The following ACACA variants were observed in gnomAD, a reference collection of about 807,000 sequenced individuals.
ACACA encodes the protein acetyl-CoA carboxylase 1.
A neutral mutation model predicts 296.1 loss-of-function variants in ACACA; 103 were observed. The ratio of observed to expected loss-of-function variants is 0.35; its 90% CI spans 0.30 to 0.41. The LOEUF is 0.41. Among genes scored for constraint, ACACA ranks in the 10% least tolerant of loss-of-function variants. The probability of loss-of-function intolerance (pLI) is 1.00; values close to 1 mark genes in which losing one functional copy is unlikely to be tolerated. For missense variants in ACACA, 1,554 were observed against 2,989.7 expected (o/e 0.52, Z 11.20); for synonymous variants, 953 against 1,038.6 (o/e 0.92, Z 1.58).
At position 37,135,147 on chromosome 17, in the gene ACACA, C is replaced by T. The variant is rs561732524; in HGVS notation, c.5680-4929G>A. On this transcript the variant is annotated intron_variant, in intron 45 of 55. Transcript: ENST00000616317. ...GACAAGTAATTCAATCTCCAATTAACAATTTTAAGTGGTGCTGCACATATC... is the reference window on the plus strand; with the variant it reads ...GACAAGTAATTCAATCTCCAATTAATAATTTTAAGTGGTGCTGCACATATC... Among the ~76,000 whole-genome samples the T allele has an allele frequency of 4.6e-5, 7 of 152,298 alleles. No homozygotes were observed. In the South Asian group the frequency reaches 1.2e-3, roughly 27 times the overall value.
chr17:37,347,745 T>TA (rs1200225097), intron 1 of ACACA, among the ~76,000 whole-genome samples: 11,892 of 101,238 alleles, frequency 0.12, 634 homozygotes, highest in African/African-American at 0.19. Flanking sequence ...CCTACTTACG[T>TA]AAAAAAAAAA....
chr17:37,141,993 GT>G lies in ACACA; in HGVS notation c.5679+7870del, dbSNP rs1299240597. 2.4e-3 allele frequency among the ~76,000 whole-genome samples: 279 copies of G among 117,258 alleles called. 3 individuals carry two copies. The East Asian group carries it at 0.04, about 17-fold the overall frequency. The allele number at this position is 117,258 out of a possible 152,430, so 76.9% of individuals were successfully genotyped here. ...GGCATGAGCCACCATGCCTGGCCAA[GT>G]TTTTTTTGTTTTTTTTTGTTTTTTT... is the stretch of plus-strand genomic sequence containing the variant. On this transcript the variant is annotated intron_variant, in intron 45 of 55. Coordinates refer to ENST00000616317, the MANE Select transcript of ACACA (RefSeq NM_198834.3).
intron 41 of ACACA, among the ~76,000 whole-genome samples, chr17:37,169,401 G>C (rs1274981672): frequency 6.6e-6 from 1 of 152,188 alleles, no homozygotes; most frequent in Non-Finnish European, 1.5e-5. Flanking sequence ...ATTGAAAAAT[G>C]CTTCCCTCTG....
intron 29 of ACACA, among the ~76,000 whole-genome samples, chr17:37,220,532 G>C (rs1347354540): frequency 2.6e-5 from 4 of 152,156 alleles, no homozygotes; most frequent in Non-Finnish European, 5.9e-5. Context: ...GCTCACTGAA[G>C]GACAACCATT....
chr17:37,325,133 G>A (rs897611584), intron 3 of ACACA, among the ~76,000 whole-genome samples: 16 of 151,124 alleles, frequency 1.1e-4, no homozygotes, highest in African/African-American at 3.6e-4. Context: ...CCCAGGAGGC[G>A]GAGGTTGCAG....
Position 37,243,416 on chromosome 17 carries a change from A to G in ACACA, c.2886T>C (p.Tyr962=). 6.2e-7 allele frequency: 1 copy of G among 1,614,180 alleles called. No individual in the cohort carries two copies. The change falls in exon 22 of 56, where the codon TAT becomes TAC. Residue 962 remains tyrosine, a synonymous_variant. Transcript: ENST00000616317. ...AGAGGACTGATGTGATGTTGCTAGCATACTGAGCCATTTCCTTCTTGATAG... is the reference window on the plus strand; with the variant it reads ...AGAGGACTGATGTGATGTTGCTAGCGTACTGAGCCATTTCCTTCTTGATAG... ...EKSIKKEMAQ[Y]ASNITSVLCQ...
At chr17:37,373,536 G>A (rs2049884218) in intron 1 of ACACA, among the ~76,000 whole-genome samples, 1 of 152,138 alleles carries the variant, frequency 6.6e-6, no homozygotes, top group South Asian at 2.1e-4. Flanking sequence ...GTGAACTACC[G>A]TGCCTGGCCC....
intron 1 of ACACA, among the ~76,000 whole-genome samples, chr17:37,358,687 G>A (rs2049259741): frequency 6.6e-6 from 1 of 152,226 alleles, no homozygotes; most frequent in African/African-American, 2.4e-5. Context: ...GAGGGGTGGC[G>A]GGCGAGCTCC....
At chr17:37,096,557 C>A (rs1370372311) in intron 54 of ACACA, among the ~76,000 whole-genome samples, 1 of 152,222 alleles carries the variant, frequency 6.6e-6, no homozygotes, top group Non-Finnish European at 1.5e-5. Context: ...TCTCCTCCAT[C>A]CTTCCCAGAG....
At chr17:37,194,844 A>G (rs1236118543) in intron 35 of ACACA, among the ~76,000 whole-genome samples, 1 of 152,148 alleles carries the variant, frequency 6.6e-6, no homozygotes, top group Non-Finnish European at 1.5e-5. Flanking sequence ...TACCAACCTC[A>G]GGGAAATCCT....
intron 25 of ACACA, among the ~76,000 whole-genome samples, chr17:37,233,955 G>T (rs2079985608): frequency 6.6e-6 from 1 of 152,102 alleles, no homozygotes; most frequent in African/African-American, 2.4e-5. Flanking sequence ...AATGTGATAC[G>T]CTTTAGAGTT....
intron 33 of ACACA, 41 bp downstream of exon 33, chr17:37,205,724 G>T: frequency 6.9e-7 from 1 of 1,454,194 alleles, no homozygotes; most frequent in Non-Finnish European, 9.7e-7. Context: ...ACAGCCAGTA[G>T]AAAGGGGACA....
In ACACA at chr17:37,339,858, G is replaced by C. The variant is rs1350196416; in HGVS notation, c.39-8C>G. 1 of 1,226,120 alleles carries C rather than the reference G, an allele frequency of 8.2e-7. No homozygotes were observed. Among genetic ancestry groups the C allele is most frequent in the Non-Finnish European group, 1.1e-6 (1 of 875,296 alleles). 76.0% of individuals were successfully genotyped at this position (1,226,120 alleles called of 1,614,324 possible). A position where few individuals can be genotyped will look rare whatever the true frequency, so the allele number is the denominator to read the frequency against. ...ATCCACTTCCAAAAAGACCTAGAGA[G>C]AAAGAGAAAGATTTTAAGGTTTTTT... On this transcript the variant is annotated splice_region_variant and splice_polypyrimidine_tract_variant and intron_variant, in intron 1 of 55. Coordinates refer to ENST00000616317, the MANE Select transcript of ACACA (RefSeq NM_198834.3).
At chr17:37,268,563 T>C (rs1052336806) in intron 10 of ACACA, among the ~76,000 whole-genome samples, 2 of 152,040 alleles carry the variant, frequency 1.3e-5, no homozygotes, top group Admixed American at 1.3e-4. Context: ...CTTTCTACTA[T>C]CTTGAACTAG....
At chr17:37,292,661 G>T (rs1486708639) in intron 3 of ACACA, among the ~76,000 whole-genome samples, 3 of 152,214 alleles carry the variant, frequency 2.0e-5, no homozygotes, top group Admixed American at 1.3e-4. Context: ...TTCAAGGCCA[G>T]CCTTGCCAAC....
intron 3 of ACACA, among the ~76,000 whole-genome samples, chr17:37,293,186 C>T (rs2083157526): frequency 6.6e-6 from 1 of 152,226 alleles, no homozygotes; most frequent in Non-Finnish European, 1.5e-5. Flanking sequence ...TTTCTCCCCT[C>T]CTTACCGGTT....
At chr17:37,241,200 A>AAAAT (rs202208460) in intron 23 of ACACA, among the ~76,000 whole-genome samples, 3,242 of 151,354 alleles carry the variant, frequency 0.021, 69 homozygotes, top group South Asian at 0.11. Context: ...GTCTCCAAAA[A>AAAAT]AAATAAATAA....
At chr17:37,128,882 C>T (rs575946206) in intron 47 of ACACA, among the ~76,000 whole-genome samples, 2 of 152,152 alleles carry the variant, frequency 1.3e-5, no homozygotes, top group African/African-American at 2.4e-5. Flanking sequence ...ATAAGAAGGG[C>T]ACATGCAGCG....
intron 1 of ACACA, among the ~76,000 whole-genome samples, chr17:37,372,910 T>G (rs1568068164): frequency 6.6e-6 from 1 of 151,794 alleles, no homozygotes; most frequent in Non-Finnish European, 1.5e-5. Context: ...GGATGGAGTC[T>G]CGCACTGTCA....
Sources: gnomAD v4.1 joint callset for allele counts (sites outside exome capture counted in the v4.1 genomes callset) on GRCh38, gnomAD v4.1.1 for gene constraint, MANE v1.5 for transcripts, NCBI Gene and HGNC (gene_info 2026-07-23, HGNC 2026-07-21) for gene names.